The following NCKAP5 variants were observed in gnomAD, a reference collection of about 807,000 sequenced individuals.
NCKAP5 encodes the protein NCK associated protein 5.
A neutral mutation model predicts 167.0 loss-of-function variants in NCKAP5; 92 were observed. The ratio of observed to expected loss-of-function variants is 0.55; its 90% confidence interval spans 0.47 to 0.66. The LOEUF (loss-of-function observed/expected upper bound fraction) is 0.66, where lower values mean the gene tolerates loss of function less well. Among genes scored for constraint, NCKAP5 ranks in the 30% least tolerant of loss-of-function variants. NCKAP5 has a pLI of 0.00. For synonymous variants in NCKAP5, 891 were observed against 877.4 expected, an observed-to-expected ratio of 1.02 and a Z score of -0.27; for missense variants, 2,378 against 2,315.0, an observed-to-expected ratio of 1.03 and a Z score of -0.56.
chr2:133,329,112 T>C (rs1317087102), intron 3 of NCKAP5, among the ~76,000 whole-genome samples: 5 of 152,162 alleles, frequency 3.3e-5, no homozygotes, highest in Admixed American at 2.6e-4. Flanking sequence ...AAAGAGGAAT[T>C]GCATTTTCCA....
chr2:133,507,944 A>G (rs10167049), intron 3 of NCKAP5, among the ~76,000 whole-genome samples: 2,378 of 152,330 alleles, frequency 0.016, 63 homozygotes, highest in African/African-American at 0.054. Flanking sequence ...TAAGATACCT[A>G]GGCTGCTGAA....
chr2:133,131,535 T>C (rs1374304008), intron 5 of NCKAP5, among the ~76,000 whole-genome samples: 1 of 152,254 alleles, frequency 6.6e-6, no homozygotes, highest in Non-Finnish European at 1.5e-5. Flanking sequence ...TTACCTAATA[T>C]GCAGTAGTGC....
chr2:133,144,133 C>T (rs1228461737), intron 5 of NCKAP5, among the ~76,000 whole-genome samples: 2 of 152,096 alleles, frequency 1.3e-5, no homozygotes, highest in African/African-American at 4.8e-5. Context: ...GATTATCACA[C>T]ATTCAACAAT....
At position 132,994,168 on chromosome 2, in the gene NCKAP5, T is replaced by G. The variant is rs376557874; in HGVS notation, c.413A>C (p.Asn138Thr). 5.7e-6 allele frequency: 9 copies of G among 1,580,838 alleles called. No homozygotes were observed. The highest frequency in any genetic ancestry group is 7.7e-6 in the Non-Finnish European group (9 of 1,161,588). Reference sequence around the variant, plus strand: ...ATGGTGTACCTGATAGACCATTATATTAACAGTTTCTTCTTTTTTCTGCTC... The same window carrying G: ...ATGGTGTACCTGATAGACCATTATAGTAACAGTTTCTTCTTTTTTCTGCTC... ...SPEQKKEETV[N>T]IMVYQEKLSE... The change falls in exon 7 of 20, where the codon AAT becomes ACT. Residue 138 changes from asparagine to threonine, a missense_variant. This residue lies in a region of NCKAP5 where 1,049 missense variants were observed against 1,023.4 expected (regional missense o/e 1.02). Transcript: ENST00000409261.
intron 5 of NCKAP5, among the ~76,000 whole-genome samples, chr2:133,157,601 C>T (rs951300719): frequency 2.0e-5 from 3 of 151,972 alleles, no homozygotes; most frequent in South Asian, 2.1e-4. Context: ...AATAAACTCC[C>T]GAGAATAAAA....
At chr2:133,012,284 G>C (rs539500732) in intron 6 of NCKAP5, among the ~76,000 whole-genome samples, 1 of 152,106 alleles carries the variant, frequency 6.6e-6, no homozygotes, top group African/African-American at 2.4e-5. Flanking sequence ...GTCTTGCTCT[G>C]TCACCCAGGC....
chr2:133,584,960 A>G, the NCKAP5 span, among the ~76,000 whole-genome samples: 2 of 142,586 alleles, frequency 1.4e-5, no homozygotes, highest in South Asian at 2.3e-4. Context: ...GAAGGAAGGA[A>G]GGAAGGAAGG....
chr2:133,091,785 G>C (rs2081193755), intron 6 of NCKAP5, among the ~76,000 whole-genome samples: 1 of 152,108 alleles, frequency 6.6e-6, no homozygotes, highest in African/African-American at 2.4e-5. Flanking sequence ...TACTCGGGAG[G>C]CTGAGGCAGG....
chr2:132,761,962 GC>G (rs994308649), intron 16 of NCKAP5, among the ~76,000 whole-genome samples: 7 of 152,170 alleles, frequency 4.6e-5, no homozygotes, highest in Non-Finnish European at 8.8e-5. Context: ...GGACTCTGGT[GC>G]CTGAGAGGTG....
intron 6 of NCKAP5, among the ~76,000 whole-genome samples, chr2:133,050,938 C>T (rs1451461291): frequency 5.3e-5 from 8 of 152,112 alleles, no homozygotes; most frequent in Non-Finnish European, 1.2e-4. Flanking sequence ...CGCGACTGAA[C>T]GCATGTGTGA....
At chr2:133,314,651 G>A (rs1031777455) in intron 3 of NCKAP5, among the ~76,000 whole-genome samples, 1 of 152,186 alleles carries the variant, frequency 6.6e-6, no homozygotes, top group South Asian at 2.1e-4. Context: ...TTATGTTCAG[G>A]CACTCTTCAA....
intron 11 of NCKAP5, among the ~76,000 whole-genome samples, chr2:132,808,813 G>C (rs1036871846): frequency 2.0e-5 from 3 of 151,928 alleles, no homozygotes; most frequent in Non-Finnish European, 4.4e-5. Flanking sequence ...TGCTGGGTTT[G>C]AGTTTGGCTT....
At chr2:132,925,703 A>G (rs1047248876) in intron 8 of NCKAP5, among the ~76,000 whole-genome samples, 1 of 151,932 alleles carries the variant, frequency 6.6e-6, no homozygotes, top group African/African-American at 2.4e-5. Flanking sequence ...GCCCACAGAG[A>G]GATAACAGGT....
At chr2:133,169,194 T>C (rs749731570) in intron 5 of NCKAP5, among the ~76,000 whole-genome samples, 11 of 152,226 alleles carry the variant, frequency 7.2e-5, no homozygotes, top group Non-Finnish European at 1.3e-4. Flanking sequence ...GACCTTAAAA[T>C]GCCAAAGTAC....
the NCKAP5 span, among the ~76,000 whole-genome samples, chr2:133,591,920 T>C: frequency 6.6e-6 from 1 of 152,206 alleles, no homozygotes; most frequent in South Asian, 2.1e-4. Flanking sequence ...AAAATTCTGT[T>C]CATTCTTAGG....
intron 12 of NCKAP5, among the ~76,000 whole-genome samples, chr2:132,794,223 C>CATATAT (rs1166750939): frequency 2.0e-3 from 42 of 21,172 alleles, no homozygotes; most frequent in South Asian, 3.3e-3. Context: ...AATGTTTATA[C>CATATAT]ATATATATAT....
chr2:133,319,812 A>G (rs1373302246), intron 3 of NCKAP5, among the ~76,000 whole-genome samples: 2 of 152,206 alleles, frequency 1.3e-5, no homozygotes, highest in Admixed American at 6.5e-5. Flanking sequence ...ATTTTTGGGA[A>G]TTTGTTCTGA....
chr2:133,403,555 C>T (rs1166056408), intron 3 of NCKAP5, among the ~76,000 whole-genome samples: 3 of 152,096 alleles, frequency 2.0e-5, no homozygotes, highest in Non-Finnish European at 4.4e-5. Context: ...CCATGTGAAA[C>T]GTACTAGATT....
intron 5 of NCKAP5, among the ~76,000 whole-genome samples, chr2:133,148,720 T>C (rs554830486): frequency 1.2e-4 from 18 of 152,230 alleles, no homozygotes; most frequent in Admixed American, 3.3e-4. Flanking sequence ...TATTTCCATG[T>C]GGTAGAGAAA....
Sources: gnomAD v4.1 joint callset for allele counts (sites outside exome capture counted in the v4.1 genomes callset) on GRCh38, gnomAD v4.1.1 for gene constraint, gnomAD v4.1.1 regional missense constraint, MANE v1.5 for transcripts, NCBI Gene and HGNC (gene_info 2026-07-23, HGNC 2026-07-21) for gene names.